Variants in MAGI2 observed in about 807,000 individuals in gnomAD.
MAGI2 encodes membrane associated guanylate kinase, WW and PDZ domain containing 2.
In MAGI2, 35 loss-of-function variants were observed where a neutral mutation model predicts 133.3. The ratio of observed to expected loss-of-function variants is 0.26; its 90% confidence interval spans 0.20 to 0.35. MAGI2 has a LOEUF of 0.35. Ranked by LOEUF, MAGI2 falls within the 10% of genes least tolerant of loss-of-function variation. The pLI, the probability that MAGI2 is intolerant of heterozygous loss-of-function variation, is 1.00. For missense variants in MAGI2, 1,636 were observed against 1,863.4 expected, an observed-to-expected ratio of 0.88 and a Z score of 2.25; for synonymous variants, 729 against 710.6, an observed-to-expected ratio of 1.03 and a Z score of -0.41.
At chr7:78,896,529 A>ATG (rs1471126793) in intron 2 of MAGI2, among the ~76,000 whole-genome samples, 3 of 148,220 alleles carry the variant, frequency 2.0e-5, no homozygotes, top group African/African-American at 7.4e-5. Flanking sequence ...TAAATGGGAT[A>ATG]TATATATATA....
chr7:78,276,638 A>G (rs976261472), intron 9 of MAGI2, among the ~76,000 whole-genome samples: 2 of 32,094 alleles, frequency 6.2e-5, no homozygotes, highest in African/African-American at 2.9e-4. Context: ...TAGTTGATTA[A>G]CAGTCGAGTG....
In MAGI2 at chr7:78,987,053, A is replaced by G. The variant is rs536071242; in HGVS notation, c.418+20037T>C. ...AGCCCCCAAATTAAGAGAACTTGCT[A>G]TGAAACCCAAAGAAAATTCTCAGAG... is the stretch of plus-strand genomic sequence containing the variant. On this transcript the variant is annotated intron_variant, in intron 2 of 21. Transcript: ENST00000354212. Among the ~76,000 whole-genome samples the G allele has an allele frequency of 1.0e-3, 152 of 152,170 alleles. No homozygotes were observed. The Middle Eastern group carries it at 0.01, about 10-fold the overall frequency.
intron 1 of MAGI2, among the ~76,000 whole-genome samples, chr7:79,244,658 T>C (rs190149141): frequency 6.6e-6 from 1 of 152,270 alleles, no homozygotes; most frequent in Non-Finnish European, 1.5e-5. Context: ...GAGTCCTAAA[T>C]AAACTTGTAA....
intron 6 of MAGI2, among the ~76,000 whole-genome samples, chr7:78,461,300 A>T (rs1010075864): frequency 1.3e-5 from 2 of 151,910 alleles, no homozygotes; most frequent in Admixed American, 6.6e-5. Context: ...TTGTTTCCTT[A>T]TTGGTTTACA....
chr7:78,860,930 A>G (rs1794104206), intron 2 of MAGI2, among the ~76,000 whole-genome samples: 3 of 152,060 alleles, frequency 2.0e-5, no homozygotes, highest in Admixed American at 6.6e-5. Context: ...TACCTACTCA[A>G]GCCTCAGCAA....
In MAGI2 at chr7:78,956,333, T is replaced by G. The variant is rs78541628; in HGVS notation, c.418+50757A>C. The stretch of plus-strand genomic sequence containing the variant: ...ACCCCTCTCCTAGCAATTCTGTCTC[T>G]GAAATGTTTCCCATCCATGCTGCCT... On this transcript the variant is annotated intron_variant, in intron 2 of 21. Coordinates refer to ENST00000354212, the MANE Select transcript of MAGI2 (RefSeq NM_012301.4). Among the ~76,000 whole-genome samples the G allele has an allele frequency of 7.2e-4, 110 of 152,298 alleles. 1 individual carries two copies. The East Asian group carries it at 0.018, about 25-fold the overall frequency.
intron 3 of MAGI2, among the ~76,000 whole-genome samples, chr7:78,572,772 C>T (rs2150773796): frequency 1.3e-5 from 2 of 151,860 alleles, no homozygotes; most frequent in East Asian, 3.9e-4. Flanking sequence ...AAGCAATTCT[C>T]CTGCCTTAGC....
chr7:78,754,869 A>G (rs1823797065), intron 2 of MAGI2, among the ~76,000 whole-genome samples: 1 of 152,212 alleles, frequency 6.6e-6, no homozygotes, highest in Admixed American at 6.5e-5. Flanking sequence ...AATGAAGGCA[A>G]ATATCCTGAT....
intron 10 of MAGI2, among the ~76,000 whole-genome samples, chr7:78,221,072 C>A (rs1266411387): frequency 6.6e-6 from 1 of 152,200 alleles, no homozygotes; most frequent in East Asian, 1.9e-4. Flanking sequence ...CTTTTCTGAT[C>A]TTTAGCATGT....
Position 78,209,589 on chromosome 7 carries a change from CT to C in MAGI2, c.2048-8397del, listed in dbSNP as rs1381171894. 8.5e-5 allele frequency among the ~76,000 whole-genome samples: 13 copies of C among 152,104 alleles called. No homozygotes were observed. The South Asian group carries it at 1.5e-3, about 17-fold the overall frequency. ...AAGTCATTCTTAACACTTTCCTTTC[CT>C]TTCCTTCCATACCACCAAATTTCCG... is the stretch of plus-strand genomic sequence containing the variant. On this transcript the variant is annotated intron_variant, in intron 10 of 21. Coordinates refer to ENST00000354212, the MANE Select transcript of MAGI2 (RefSeq NM_012301.4).
At chr7:78,775,390 A>C (rs1404581091) in intron 2 of MAGI2, among the ~76,000 whole-genome samples, 1 of 150,824 alleles carries the variant, frequency 6.6e-6, no homozygotes, top group Non-Finnish European at 1.5e-5. Context: ...GCCAAAAATT[A>C]ATCGGGAAAT....
At chr7:78,271,710 C>A (rs1043124531) in intron 9 of MAGI2, among the ~76,000 whole-genome samples, 4 of 152,086 alleles carry the variant, frequency 2.6e-5, no homozygotes, top group Non-Finnish European at 5.9e-5. Flanking sequence ...GGAATTTATC[C>A]ATTTCTTCTA....
intron 21 of MAGI2, among the ~76,000 whole-genome samples, chr7:78,037,023 G>A (rs1810302813): frequency 6.7e-6 from 1 of 150,322 alleles, no homozygotes. Flanking sequence ...TAGAGCAATA[G>A]CCCTAGAGAA....
chr7:79,387,224 CT>C (rs1844254558), intron 1 of MAGI2, among the ~76,000 whole-genome samples: 1 of 151,718 alleles, frequency 6.6e-6, no homozygotes, highest in African/African-American at 2.4e-5. Flanking sequence ...GCAAGGAATT[CT>C]CTCCTATCTT....
intron 1 of MAGI2, among the ~76,000 whole-genome samples, chr7:79,441,977 C>T (rs1848523749): frequency 6.6e-6 from 1 of 152,078 alleles, no homozygotes; most frequent in South Asian, 2.1e-4. Context: ...TAAGTATGTA[C>T]CTTGCCCCTG....
intron 2 of MAGI2, among the ~76,000 whole-genome samples, chr7:78,813,929 A>G (rs1789323886): frequency 6.6e-6 from 1 of 152,108 alleles, no homozygotes; most frequent in South Asian, 2.1e-4. Context: ...ATAGTGAAAA[A>G]CTGTTTCCTT....
chr7:79,439,233 A>G (rs1459812903), intron 1 of MAGI2, among the ~76,000 whole-genome samples: 1 of 152,110 alleles, frequency 6.6e-6, no homozygotes, highest in Non-Finnish European at 1.5e-5. Flanking sequence ...AGCACTCCCC[A>G]GCTCCACTTG....
Position 79,268,498 on chromosome 7 carries a change from G to A in MAGI2, c.301+184522C>T, listed in dbSNP as rs59574567. ...GTTGGAAACGCTAACCTTTAACATG[G>A]TTCAAAGTAAGCTAGCCTTCAAAAC... On this transcript the variant is annotated intron_variant, in intron 1 of 21. Coordinates refer to ENST00000354212, the MANE Select transcript of MAGI2 (RefSeq NM_012301.4). Among the ~76,000 whole-genome samples the A allele has an allele frequency of 1.1e-4, 16 of 152,208 alleles. No homozygotes were observed. The East Asian group carries it at 3.1e-3, about 29-fold the overall frequency.
rs1438683333 is a variant in MAGI2, at chr7:78,350,764, A to G, written c.1104-4721T>C. 3.9e-5 allele frequency among the ~76,000 whole-genome samples: 6 copies of G among 152,140 alleles called. No individual in the cohort carries two copies. In the East Asian group the frequency reaches 1.2e-3, roughly 29 times the overall value. Reference sequence around the variant, plus strand: ...AGAGGAAAGGGAGGAATTAGGAGGAAAGTCTTAAATACTGAGCCCATCAGT... The same window carrying G: ...AGAGGAAAGGGAGGAATTAGGAGGAGAGTCTTAAATACTGAGCCCATCAGT... On this transcript the variant is annotated intron_variant, in intron 7 of 21. Coordinates refer to ENST00000354212, the MANE Select transcript of MAGI2 (RefSeq NM_012301.4).
Sources: allele counts gnomAD v4.1 joint callset (sites outside exome capture counted in the v4.1 genomes callset), GRCh38; gene constraint gnomAD v4.1.1; transcripts MANE v1.5; gene names NCBI Gene and HGNC (gene_info 2026-07-23, HGNC 2026-07-21).